The following CA10 variants were observed in gnomAD, a reference collection of about 807,000 sequenced individuals.
CA10 encodes the protein carbonic anhydrase-related protein 10.
CA10 carries 14 observed loss-of-function variants against 44.2 expected under a neutral mutation model. That is an observed-to-expected ratio of 0.32 (90% CI 0.21 to 0.50). The LOEUF is 0.50. Ranked by LOEUF, CA10 falls within the 20% of genes least tolerant of loss-of-function variation. The probability of loss-of-function intolerance (pLI) is 0.99; values close to 1 mark genes in which losing one functional copy is unlikely to be tolerated. For missense variants in CA10, 350 were observed against 409.7 expected (o/e 0.85, Z 1.26); for synonymous variants, 159 against 141.6 (o/e 1.12, Z -0.87).
At chr17:52,012,278 G>C (rs983112416) in intron 2 of CA10, among the ~76,000 whole-genome samples, 1 of 151,908 alleles carries the variant, frequency 6.6e-6, no homozygotes, top group Non-Finnish European at 1.5e-5. Context: ...CTTATTTTCA[G>C]GTAAGAAACT....
chr17:52,024,427 G>A (rs79945279), intron 2 of CA10, among the ~76,000 whole-genome samples: 3,196 of 151,888 alleles, frequency 0.021, 103 homozygotes, highest in African/African-American at 0.071. Context: ...TGCCCTAAGT[G>A]AGAGTACTAG....
chr17:51,890,377 A>G (rs183477757), intron 3 of CA10, among the ~76,000 whole-genome samples: 60 of 152,288 alleles, frequency 3.9e-4, no homozygotes, highest in African/African-American at 1.4e-3. Context: ...CATTTGCTCA[A>G]TATTTTTGAT....
intron 3 of CA10, among the ~76,000 whole-genome samples, chr17:51,841,266 G>T (rs564436268): frequency 1.3e-5 from 2 of 152,244 alleles, no homozygotes; most frequent in South Asian, 4.1e-4. Flanking sequence ...CATCTTATGT[G>T]ACTGTGTGTA....
In CA10 at chr17:51,747,773, G is replaced by A. The variant is rs1904750678; in HGVS notation, c.325C>T (p.Leu109=). The A allele has an allele frequency of 1.2e-6, 2 of 1,614,096 alleles. No homozygotes were observed. Among genetic ancestry groups the A allele is most frequent in the Non-Finnish European group, 1.7e-6 (2 of 1,179,952 alleles). The stretch of plus-strand genomic sequence containing the variant: ...ATGTTGACCAAGTGCTCCTTGTCCA[G>A]GCGAAGGGATACGTGTCTTCCAGTG... ...YNTGRHVSLR[L]DKEHLVNISG... is the part of the protein sequence containing the mutation. The change falls in exon 4 of 9, where the codon CTG becomes TTG. Residue 109 remains leucine, a synonymous_variant. Transcript: ENST00000451037.
intron 4 of CA10, among the ~76,000 whole-genome samples, chr17:51,672,970 G>A (rs756379113): frequency 6.6e-6 from 1 of 152,192 alleles, no homozygotes; most frequent in Non-Finnish European, 1.5e-5. Flanking sequence ...TTTATTCCAA[G>A]GCATGCCCAA....
intron 2 of CA10, among the ~76,000 whole-genome samples, chr17:52,040,065 T>C (rs906286705): frequency 1.3e-5 from 2 of 152,014 alleles, no homozygotes; most frequent in Admixed American, 1.3e-4. Flanking sequence ...GGCAAATGGC[T>C]ATCAGTTGGA....
At chr17:52,044,017 G>T (rs1009696797) in intron 2 of CA10, among the ~76,000 whole-genome samples, 6 of 152,126 alleles carry the variant, frequency 3.9e-5, no homozygotes, top group Non-Finnish European at 7.4e-5. Flanking sequence ...GTAATGTTCT[G>T]TTCTCTTAGT....
intron 3 of CA10, among the ~76,000 whole-genome samples, chr17:51,766,693 CA>C (rs1236407993): frequency 6.6e-6 from 1 of 152,172 alleles, no homozygotes; most frequent in African/African-American, 2.4e-5. Context: ...AAGTTATAAA[CA>C]GAATCAGGAT....
intron 3 of CA10, among the ~76,000 whole-genome samples, chr17:51,760,692 A>T (rs925520909): frequency 3.9e-5 from 6 of 152,240 alleles, no homozygotes; most frequent in Non-Finnish European, 8.8e-5. Context: ...AGACAATCAC[A>T]TCTGATGGTA....
chr17:51,907,965 T>G (rs148003825), intron 3 of CA10, among the ~76,000 whole-genome samples: 54 of 152,292 alleles, frequency 3.5e-4, no homozygotes, highest in African/African-American at 1.2e-3. Flanking sequence ...TGTCTAATTT[T>G]CAGTTATCTT....
At chr17:52,075,965 T>C (rs139720267) in intron 1 of CA10, among the ~76,000 whole-genome samples, 490 of 152,258 alleles carry the variant, frequency 3.2e-3, no homozygotes, top group African/African-American at 0.011. Flanking sequence ...TTTGACCATA[T>C]CATTAAGAAA....
At chr17:51,875,690 G>A (rs867308804) in intron 3 of CA10, among the ~76,000 whole-genome samples, 1 of 142,846 alleles carries the variant, frequency 7.0e-6, no homozygotes, top group Non-Finnish European at 1.5e-5. Context: ...TTATTTTTTG[G>A]GGGGGGTATA....
Position 51,942,502 on chromosome 17 carries a change from C to T in CA10, c.137-11370G>A, listed in dbSNP as rs145182411. Among the ~76,000 whole-genome samples the T allele has an allele frequency of 1.3e-3, 190 of 144,802 alleles. 7 individuals carry two copies. The South Asian group carries it at 0.025, about 19-fold the overall frequency. The allele number at this position is 144,802 out of a possible 152,430, so 95.0% of individuals were successfully genotyped here. On this transcript the variant is annotated intron_variant, in intron 2 of 8. Coordinates refer to ENST00000451037, the MANE Select transcript of CA10 (RefSeq NM_020178.5). ...TTCCTGTTAGACTTTTGTATAATTA[C>T]ACTTCCTATTAGCCAGGAAGGAAAT...
intron 2 of CA10, among the ~76,000 whole-genome samples, chr17:52,044,321 T>G (rs911480725): frequency 1.3e-5 from 2 of 152,088 alleles, no homozygotes; most frequent in Non-Finnish European, 2.9e-5. Context: ...TATTTTTATT[T>G]AAGACAGGGT....
intron 3 of CA10, among the ~76,000 whole-genome samples, chr17:51,815,734 G>GA (rs1048062522): frequency 1.3e-5 from 2 of 152,076 alleles, no homozygotes; most frequent in Non-Finnish European, 2.9e-5. Context: ...ATTTGAGAGA[G>GA]AAAAAATGTC....
intron 2 of CA10, among the ~76,000 whole-genome samples, chr17:52,060,478 T>C (rs1287221286): frequency 6.6e-6 from 1 of 152,176 alleles, no homozygotes; most frequent in Non-Finnish European, 1.5e-5. Flanking sequence ...GTATTGCTAA[T>C]GTAAGGCATT....
rs57645751 is a variant in CA10 at position 51,636,067 on chromosome 17, G to GACAT, written c.635-62_635-59dup. On this transcript the variant is annotated intron_variant, in intron 6 of 8. Transcript: ENST00000451037. ...TTCTTGAGAAAGGGATGGTATTGCT[G>GACAT]ACATACATACATACATACATACATA... is the stretch of plus-strand genomic sequence containing the variant. 961 of 763,882 alleles carry GACAT rather than the reference G, an allele frequency of 1.3e-3. 1 individual carries two copies. Among genetic ancestry groups the GACAT allele is most frequent in the Non-Finnish European group, 1.7e-3 (796 of 478,378 alleles). The allele number at this position is 763,882 out of a possible 1,614,324, so 47.3% of individuals were successfully genotyped here. A position where few individuals can be genotyped will look rare whatever the true frequency, so the allele number is the denominator to read the frequency against.
intron 2 of CA10, among the ~76,000 whole-genome samples, chr17:51,998,207 G>C (rs955446717): frequency 2.0e-5 from 3 of 152,042 alleles, no homozygotes; most frequent in Non-Finnish European, 4.4e-5. Context: ...ACCCTAGACT[G>C]CTACATACTG....
intron 4 of CA10, among the ~76,000 whole-genome samples, chr17:51,692,366 CCTATCTAT>C (rs71728413): frequency 0.18 from 25,404 of 141,026 alleles, 2,481 homozygotes; most frequent in African/African-American, 0.26. Flanking sequence ...ACCTATCCAT[CCTATCTAT>C]CTATCTATCT....
Sources: allele counts gnomAD v4.1 joint callset (sites outside exome capture counted in the v4.1 genomes callset), GRCh38; gene constraint gnomAD v4.1.1; transcripts MANE v1.5; gene names NCBI Gene and HGNC (gene_info 2026-07-23, HGNC 2026-07-21).